BCKDHB: variants seen among roughly 807,000 people sequenced by gnomAD.
BCKDHB encodes the protein 2-oxoisovalerate dehydrogenase subunit beta, mitochondrial.
A neutral mutation model predicts 48.5 loss-of-function variants in BCKDHB; 41 were observed. That is an observed-to-expected ratio of 0.85 (90% CI 0.66 to 1.10). The LOEUF (loss-of-function observed/expected upper bound fraction) is 1.10. Ranked by LOEUF, BCKDHB falls within the 50% of genes least tolerant of loss-of-function variation. The pLI, the probability that BCKDHB is intolerant of heterozygous loss-of-function variation, is 0.00. For synonymous variants in BCKDHB, 201 were observed against 174.8 expected (o/e 1.15, Z -1.18); for missense variants, 496 against 494.2 (o/e 1.00, Z -0.03).
chr6:80,117,809 T>C (rs1199757065), intron 1 of BCKDHB, among the ~76,000 whole-genome samples: 1 of 152,196 alleles, frequency 6.6e-6, no homozygotes, highest in Non-Finnish European at 1.5e-5. Context: ...TGTCAATAAA[T>C]ATGTGGGTAA....
At chr6:80,394,795 C>A in the BCKDHB span, among the ~76,000 whole-genome samples, 1 of 152,148 alleles carries the variant, frequency 6.6e-6, no homozygotes, top group Non-Finnish European at 1.5e-5. Flanking sequence ...ACCAAAATCT[C>A]ATCTTGTATT....
chr6:80,370,126 G>C, the BCKDHB span, among the ~76,000 whole-genome samples: 284 of 152,154 alleles, frequency 1.9e-3, 2 homozygotes, highest in Admixed American at 1.5e-3. Flanking sequence ...CCTACCTTCA[G>C]AAAATGAATC....
intron 1 of BCKDHB, among the ~76,000 whole-genome samples, chr6:80,114,056 G>A (rs2490237): frequency 0.037 from 5,566 of 152,150 alleles, 319 homozygotes; most frequent in African/African-American, 0.13. Context: ...AAAAGGGGCA[G>A]GAGGGTTGCA....
intron 1 of BCKDHB, among the ~76,000 whole-genome samples, chr6:80,114,015 G>A (rs1256748852): frequency 6.6e-6 from 1 of 152,156 alleles, no homozygotes; most frequent in Non-Finnish European, 1.5e-5. Context: ...ATCAATCAAA[G>A]GTACTTCGAA....
At chr6:80,364,946 A>G in the BCKDHB span, among the ~76,000 whole-genome samples, 2 of 152,212 alleles carry the variant, frequency 1.3e-5, no homozygotes, top group East Asian at 1.9e-4. Context: ...TGGGGGTGAC[A>G]TCACATATCA....
At chr6:80,240,430 T>C (rs993284458) in intron 8 of BCKDHB, among the ~76,000 whole-genome samples, 3 of 152,174 alleles carry the variant, frequency 2.0e-5, no homozygotes, top group Non-Finnish European at 4.4e-5. Flanking sequence ...TTTGAAGCAA[T>C]TGTGAATGGG....
At chr6:80,290,190 C>G (rs1028731351) in intron 9 of BCKDHB, among the ~76,000 whole-genome samples, 1 of 147,588 alleles carries the variant, frequency 6.8e-6, no homozygotes, top group Admixed American at 6.7e-5. Flanking sequence ...AGTAAGTAGC[C>G]AAGATCTGTG....
chr6:80,391,465 A>C, the BCKDHB span, among the ~76,000 whole-genome samples: 1 of 152,282 alleles, frequency 6.6e-6, no homozygotes, highest in Admixed American at 6.5e-5. Flanking sequence ...AGAGAGCATC[A>C]GAGATTGGAG....
At chr6:80,212,346 G>A (rs1774976232) in intron 8 of BCKDHB, among the ~76,000 whole-genome samples, 1 of 151,916 alleles carries the variant, frequency 6.6e-6, no homozygotes, top group Non-Finnish European at 1.5e-5. Flanking sequence ...CCTTTCCCAG[G>A]GTATTAATAT....
intron 3 of BCKDHB, 92 bp downstream of exon 3, chr6:80,129,321 A>G (rs1485275189): frequency 9.4e-7 from 1 of 1,059,252 alleles, no homozygotes; most frequent in Non-Finnish European, 1.5e-6. Flanking sequence ...TTTTTGTCAT[A>G]TCCCCATTGT....
intron 1 of BCKDHB, among the ~76,000 whole-genome samples, chr6:80,108,693 C>G (rs560871159): frequency 2.2e-4 from 34 of 152,118 alleles, no homozygotes; most frequent in African/African-American, 7.2e-4. Context: ...AACCCGGTCT[C>G]TACCAAAAAT....
At chr6:80,440,040 A>G in the BCKDHB span, among the ~76,000 whole-genome samples, 1 of 151,784 alleles carries the variant, frequency 6.6e-6, no homozygotes, top group Non-Finnish European at 1.5e-5. Flanking sequence ...TTGGAAATAC[A>G]GTAATGACAG....
intron 1 of BCKDHB, among the ~76,000 whole-genome samples, chr6:80,108,899 A>G (rs1024169250): frequency 6.6e-6 from 1 of 152,042 alleles, no homozygotes; most frequent in African/African-American, 2.4e-5. Flanking sequence ...ATCACCACCC[A>G]CTGCAGTAAA....
chr6:80,429,323 T>G, the BCKDHB span, among the ~76,000 whole-genome samples: 1 of 152,220 alleles, frequency 6.6e-6, no homozygotes, highest in African/African-American at 2.4e-5. Context: ...CCAGCTTTGT[T>G]CTTTTTGCTT....
At chr6:80,200,063 CAAAA>C (rs55737130) in intron 6 of BCKDHB, among the ~76,000 whole-genome samples, 81 of 32,766 alleles carry the variant, frequency 2.5e-3, no homozygotes, top group African/African-American at 6.5e-3. Flanking sequence ...GACCCTGTCT[CAAAA>C]AAAAAAAAAA....
chr6:80,355,894 A>G, the BCKDHB span: 1 of 152,176 alleles, frequency 6.6e-6, no homozygotes, highest in South Asian at 2.1e-4. Context: ...TATTGAAGCT[A>G]TACTTCTTTG....
At chr6:80,234,028 G>T (rs1180949092) in intron 8 of BCKDHB, among the ~76,000 whole-genome samples, 1 of 152,022 alleles carries the variant, frequency 6.6e-6, no homozygotes, top group African/African-American at 2.4e-5. Context: ...TAAGGAGCGT[G>T]CACCCTAGAT....
chr6:80,452,545 C>T, the BCKDHB span, among the ~76,000 whole-genome samples: 1 of 151,956 alleles, frequency 6.6e-6, no homozygotes, highest in Non-Finnish European at 1.5e-5. Flanking sequence ...GCATAATATA[C>T]CAGAAAGGAT....
At chr6:80,430,225 A>C in the BCKDHB span, among the ~76,000 whole-genome samples, 1 of 152,164 alleles carries the variant, frequency 6.6e-6, no homozygotes, top group Non-Finnish European at 1.5e-5. Context: ...TGACTTGATC[A>C]TGGTGGATAA....
Sources: allele counts gnomAD v4.1 joint callset (sites outside exome capture counted in the v4.1 genomes callset), GRCh38; gene constraint gnomAD v4.1.1; transcripts MANE v1.5; gene names NCBI Gene and HGNC (gene_info 2026-07-23, HGNC 2026-07-21).